Variants in DIS3L2 observed in about 807,000 individuals in gnomAD.
The protein encoded by DIS3L2 is DIS3-like exonuclease 2.
A neutral mutation model predicts 97.5 loss-of-function variants in DIS3L2; 34 were observed. The ratio of observed to expected loss-of-function variants is 0.35; its 90% CI spans 0.27 to 0.46. DIS3L2 has a LOEUF of 0.46. DIS3L2 is among the 20% of genes least tolerant of loss of function. The pLI, the probability that DIS3L2 is intolerant of heterozygous loss-of-function variation, is 1.00. For missense variants in DIS3L2, 1,038 were observed against 1,146.0 expected (o/e 0.91, Z 1.36); for synonymous variants, 435 against 445.2 (o/e 0.98, Z 0.29).
intron 14 of DIS3L2, among the ~76,000 whole-genome samples, chr2:232,328,352 G>C (rs1387687927): frequency 6.6e-6 from 1 of 152,214 alleles, no homozygotes; most frequent in Non-Finnish European, 1.5e-5. Context: ...TGCCCTCCTG[G>C]GGCATTTCCC....
intron 10 of DIS3L2, among the ~76,000 whole-genome samples, chr2:232,219,177 C>T (rs759903363): frequency 2.0e-5 from 3 of 152,238 alleles, no homozygotes; most frequent in Non-Finnish European, 1.5e-5. Context: ...TCTGTTTCTC[C>T]TACCAGCAAG....
intron 6 of DIS3L2, among the ~76,000 whole-genome samples, chr2:232,090,973 T>C (rs147605652): frequency 3.3e-3 from 507 of 152,352 alleles, no homozygotes; most frequent in South Asian, 6.6e-3. Context: ...CAGACATTCA[T>C]ACAGTAGTTT....
intron 9 of DIS3L2, among the ~76,000 whole-genome samples, chr2:232,168,478 T>C (rs1365133306): frequency 1.4e-5 from 2 of 143,516 alleles, no homozygotes; most frequent in South Asian, 2.3e-4. Flanking sequence ...ATATATGGAC[T>C]TTGCAGTAAT....
chr2:232,256,728 C>T (rs1693573825), intron 12 of DIS3L2, among the ~76,000 whole-genome samples: 1 of 152,198 alleles, frequency 6.6e-6, no homozygotes, highest in Non-Finnish European at 1.5e-5. Context: ...TTCTCTCTGC[C>T]TTGCCGCTAC....
intron 1 of DIS3L2, among the ~76,000 whole-genome samples, chr2:231,970,876 C>T (rs1205373090): frequency 6.6e-6 from 1 of 152,074 alleles, no homozygotes; most frequent in African/African-American, 2.4e-5. Context: ...ACACATTGTA[C>T]AGCTGTACAA....
chr2:232,080,213 T>C (rs903943271), intron 5 of DIS3L2, among the ~76,000 whole-genome samples: 2 of 152,096 alleles, frequency 1.3e-5, no homozygotes, highest in Non-Finnish European at 2.9e-5. Context: ...TGCTGCGGTT[T>C]AGGGCTGGAG....
At chr2:232,051,452 A>G (rs1232106556) in intron 5 of DIS3L2, among the ~76,000 whole-genome samples, 1 of 152,224 alleles carries the variant, frequency 6.6e-6, no homozygotes, top group Non-Finnish European at 1.5e-5. Flanking sequence ...TACGACTAGG[A>G]AGACCAAAAA....
intron 10 of DIS3L2, among the ~76,000 whole-genome samples, chr2:232,223,285 C>T (rs528540130): frequency 6.6e-6 from 1 of 152,314 alleles, no homozygotes; most frequent in East Asian, 1.9e-4. Context: ...CCAGAAAGAG[C>T]ACTGCAATAG....
At chr2:231,995,068 T>C (rs965323117) in intron 1 of DIS3L2, among the ~76,000 whole-genome samples, 2 of 152,154 alleles carry the variant, frequency 1.3e-5, no homozygotes, top group Non-Finnish European at 2.9e-5. Context: ...GTCTCCCAGG[T>C]GTGAGCCATT....
intron 1 of DIS3L2, among the ~76,000 whole-genome samples, chr2:231,981,909 C>T (rs923421720): frequency 6.6e-6 from 1 of 151,312 alleles, no homozygotes; most frequent in Non-Finnish European, 1.5e-5. Flanking sequence ...TGGTGCGTGC[C>T]TGTAATCCCA....
intron 9 of DIS3L2, among the ~76,000 whole-genome samples, chr2:232,183,428 A>C (rs1691347184): frequency 2.0e-5 from 3 of 152,218 alleles, no homozygotes; most frequent in Admixed American, 1.3e-4. Flanking sequence ...GTCGACTAAT[A>C]CCTTTAATGC....
At chr2:232,106,501 C>G (rs1285991848) in intron 6 of DIS3L2, among the ~76,000 whole-genome samples, 2 of 152,076 alleles carry the variant, frequency 1.3e-5, no homozygotes, top group Non-Finnish European at 2.9e-5. Context: ...TTCAATTCAA[C>G]AAGAAGAGTT....
intron 5 of DIS3L2, among the ~76,000 whole-genome samples, chr2:232,059,628 C>A (rs564211192): frequency 6.6e-6 from 1 of 152,100 alleles, no homozygotes; most frequent in Non-Finnish European, 1.5e-5. Flanking sequence ...CAACTCTTGC[C>A]CCTATCCCTT....
chr2:232,074,381 C>T lies in DIS3L2; in HGVS notation c.367-13106C>T, dbSNP rs78692873. ...CTATTTTTTGCAAATGCTTCTTTTA[C>T]AGCTGATTCAAGTCTTTCTCATTCT... is the stretch of plus-strand genomic sequence containing the variant. On this transcript the variant is annotated intron_variant, in intron 5 of 20. Coordinates refer to ENST00000325385, the MANE Select transcript of DIS3L2 (RefSeq NM_152383.5). Among the ~76,000 whole-genome samples the T allele has an allele frequency of 5.4e-3, 824 of 152,176 alleles. 3 individuals carry two copies. Among genetic ancestry groups the T allele is most frequent in the Non-Finnish European group, 8.0e-3 (546 of 68,010 alleles).
At chr2:232,339,730 A>T (rs1696064319), downstream of DIS3L2, 2 of 456,128 alleles carry the variant, frequency 4.4e-6, no homozygotes, top group Non-Finnish European at 8.8e-6. Context: ...AGCCACATGG[A>T]CGAGAGAGCC....
At chr2:232,059,065 T>TA (rs1695628644) in intron 5 of DIS3L2, among the ~76,000 whole-genome samples, 1 of 152,214 alleles carries the variant, frequency 6.6e-6, no homozygotes, top group Non-Finnish European at 1.5e-5. Context: ...CATCTGTCAG[T>TA]ATTTCCATTT....
At chr2:232,059,394 A>T (rs1310309770) in intron 5 of DIS3L2, among the ~76,000 whole-genome samples, 2 of 152,232 alleles carry the variant, frequency 1.3e-5, no homozygotes, top group African/African-American at 4.8e-5. Flanking sequence ...CATTGGCTTA[A>T]CTATCAAAAA....
chr2:232,300,863 T>G (rs10755052), intron 14 of DIS3L2, among the ~76,000 whole-genome samples: 29,704 of 151,940 alleles, frequency 0.2, 4,097 homozygotes, highest in East Asian at 0.48. Flanking sequence ...TATGTTGCCC[T>G]GGTTGGTCTT....
chr2:232,342,696 G>T (rs1696138688), intron 13 of DIS3L2, among the ~76,000 whole-genome samples: 1 of 152,286 alleles, frequency 6.6e-6, no homozygotes, highest in Non-Finnish European at 1.5e-5. Context: ...GCTGCGTATG[G>T]TCTTCTACTT....
Sources: allele counts gnomAD v4.1 joint callset (sites outside exome capture counted in the v4.1 genomes callset), GRCh38; gene constraint gnomAD v4.1.1; transcripts MANE v1.5; gene names NCBI Gene and HGNC (gene_info 2026-07-23, HGNC 2026-07-21).